The following AKT3 variants were observed in gnomAD, a reference collection of about 807,000 sequenced individuals.
AKT3 encodes AKT serine/threonine kinase 3, also known as RAC-gamma serine/threonine-protein kinase.
Under a neutral mutation model 65.3 loss-of-function variants are expected in AKT3, and 15 were observed. The observed-to-expected ratio is 0.23, with a 90% CI of 0.15 to 0.35. AKT3 has a LOEUF of 0.35. Ranked by LOEUF, AKT3 falls within the 10% of genes least tolerant of loss-of-function variation. The probability of loss-of-function intolerance (pLI) is 1.00; values close to 1 mark genes in which losing one functional copy is unlikely to be tolerated. For missense variants in AKT3, 243 were observed against 576.5 expected (o/e 0.42, Z 5.92); for synonymous variants, 206 against 183.8 (o/e 1.12, Z -0.98).
intron 8 of AKT3, among the ~76,000 whole-genome samples, chr1:243,586,945 T>C (rs1471404735): frequency 6.6e-6 from 1 of 151,802 alleles, no homozygotes; most frequent in Non-Finnish European, 1.5e-5. Context: ...CCATATAAAG[T>C]AGCAAAGATA....
intron 2 of AKT3, among the ~76,000 whole-genome samples, chr1:243,733,250 T>C (rs1687660065): frequency 1.3e-5 from 2 of 152,238 alleles, no homozygotes; most frequent in African/African-American, 4.8e-5. Flanking sequence ...TACTTCTATT[T>C]TAAAATTACA....
chr1:243,760,387 A>C (rs1169362314), intron 2 of AKT3, among the ~76,000 whole-genome samples: 2 of 138,746 alleles, frequency 1.4e-5, no homozygotes, highest in Non-Finnish European at 3.0e-5. Flanking sequence ...TCAGCCTCCC[A>C]AAGTGCTGGG....
intron 2 of AKT3, among the ~76,000 whole-genome samples, chr1:243,757,827 C>T (rs1572289551): frequency 6.6e-6 from 1 of 151,126 alleles, no homozygotes; most frequent in East Asian, 2.0e-4. Context: ...GTGGCGCAAT[C>T]TCGGCTCACT....
intron 2 of AKT3, among the ~76,000 whole-genome samples, chr1:243,806,757 T>C (rs1692752921): frequency 6.6e-6 from 1 of 152,172 alleles, no homozygotes; most frequent in Admixed American, 6.5e-5. Flanking sequence ...TAAATCAGTT[T>C]TTCAAAATTA....
At chr1:243,693,242 TGATATATATATATATATATATATA>T (rs1393014345) in intron 3 of AKT3, among the ~76,000 whole-genome samples, 1,592 of 59,996 alleles carry the variant, frequency 0.027, 201 homozygotes, top group South Asian at 0.054. Flanking sequence ...AGCTACAATT[TGATATATATATATATATATATATA>T]TATATATATA....
intron 9 of AKT3, among the ~76,000 whole-genome samples, chr1:243,568,920 C>T (rs1674363776): frequency 6.6e-6 from 1 of 152,184 alleles, no homozygotes; most frequent in African/African-American, 2.4e-5. Context: ...AGTTTAAAAA[C>T]ACCATATATA....
intron 2 of AKT3, among the ~76,000 whole-genome samples, chr1:243,770,447 G>A (rs116203085): frequency 0.02 from 2,996 of 152,172 alleles, 36 homozygotes; most frequent in Admixed American, 0.035. Flanking sequence ...CAGAGCTCTT[G>A]CCATAGTATC....
chr1:243,691,405 A>G (rs1684682953), intron 3 of AKT3, among the ~76,000 whole-genome samples: 1 of 152,200 alleles, frequency 6.6e-6, no homozygotes, highest in Non-Finnish European at 1.5e-5. Flanking sequence ...TGGCATAGTT[A>G]TGATATAATT....
Position 243,501,139 on chromosome 1 carries a change from C to T in AKT3, c.*4110G>A. 4.3e-6 allele frequency: 1 copy of T among 231,370 alleles called. No homozygotes were observed. The highest frequency in any genetic ancestry group is 8.6e-6 in the Non-Finnish European group (1 of 116,914). 14.3% of individuals were successfully genotyped at this position (231,370 alleles called of 1,614,324 possible). ...CTCACTCTGGTCCCAAAAGCCATTC[C>T]TCTGTCTGGCTTCGTCACAGGAGCA... On this transcript the variant is annotated 3_prime_UTR_variant, in exon 14 of 14. Transcript: ENST00000673466.
chr1:243,675,843 C>T (rs956677023), intron 3 of AKT3, among the ~76,000 whole-genome samples: 8 of 152,182 alleles, frequency 5.3e-5, no homozygotes, highest in African/African-American at 1.9e-4. Flanking sequence ...AGGGCCTCTA[C>T]TTCCAAAGTA....
Position 243,502,720 on chromosome 1 carries a change from A to G in AKT3, c.*2529T>C. The G allele has an allele frequency of 4.3e-6, 1 of 233,298 alleles. No homozygotes were observed. The highest frequency in any genetic ancestry group is 8.5e-6 in the Non-Finnish European group (1 of 118,038). The allele number at this position is 233,298 out of a possible 1,614,324, so 14.5% of individuals were successfully genotyped here. On this transcript the variant is annotated 3_prime_UTR_variant, in exon 14 of 14. Transcript: ENST00000673466. ...AAGCCAAGAAGACACCTTGTGTGAC[A>G]CCAATGGAGTCTCAGAGGGTGGAAT... is the stretch of plus-strand genomic sequence containing the variant.
At chr1:243,537,746 G>A (rs1337652065) in intron 12 of AKT3, among the ~76,000 whole-genome samples, 3 of 152,160 alleles carry the variant, frequency 2.0e-5, no homozygotes, top group East Asian at 1.9e-4. Context: ...TCAAGAAGCC[G>A]CAGTGTATTC....
chr1:243,634,177 G>GT (rs1441758322), intron 6 of AKT3, among the ~76,000 whole-genome samples: 1 of 151,962 alleles, frequency 6.6e-6, no homozygotes, highest in Non-Finnish European at 1.5e-5. Flanking sequence ...CTCTAGATTA[G>GT]TTATCATATC....
At chr1:243,675,785 G>T (rs1163634700) in intron 3 of AKT3, among the ~76,000 whole-genome samples, 2 of 152,026 alleles carry the variant, frequency 1.3e-5, no homozygotes, top group Non-Finnish European at 2.9e-5. Flanking sequence ...CCATGACACT[G>T]ACTTGCCTGG....
At chr1:243,497,963 T>C (rs1268944920), downstream of AKT3, among the ~76,000 whole-genome samples, 2 of 152,196 alleles carry the variant, frequency 1.3e-5, no homozygotes, top group East Asian at 1.9e-4. Context: ...ATTACAGGTG[T>C]GAGCCACTGT....
chr1:243,493,163 G>A (rs1558549817), intron 13 of AKT3, among the ~76,000 whole-genome samples: 1 of 143,026 alleles, frequency 7.0e-6, no homozygotes, highest in African/African-American at 2.5e-5. Flanking sequence ...GGGCTGGGTA[G>A]TCGCACTCTC....
At chr1:243,507,818 C>G (rs2148351211) in intron 13 of AKT3, among the ~76,000 whole-genome samples, 1 of 152,288 alleles carries the variant, frequency 6.6e-6, no homozygotes, top group East Asian at 1.9e-4. Context: ...CAAAGAAACC[C>G]TCTTTTTCTG....
intron 2 of AKT3, among the ~76,000 whole-genome samples, chr1:243,700,922 T>C (rs1221592902): frequency 1.3e-5 from 2 of 152,252 alleles, no homozygotes; most frequent in Non-Finnish European, 2.9e-5. Context: ...ATGAATTATA[T>C]ACTCTCAAAC....
upstream of AKT3, among the ~76,000 whole-genome samples, chr1:243,850,588 C>T (rs1330545774): frequency 4.6e-5 from 7 of 151,408 alleles, 1 homozygote; most frequent in Admixed American, 2.6e-4. Context: ...CGCCGCCGAT[C>T]GGTTCTCGCC....
Sources: gnomAD v4.1 joint callset for allele counts (sites outside exome capture counted in the v4.1 genomes callset) on GRCh38, gnomAD v4.1.1 for gene constraint, MANE v1.5 for transcripts, NCBI Gene and HGNC (gene_info 2026-07-23, HGNC 2026-07-21) for gene names.